Variants in CHERP observed in about 807,000 individuals in gnomAD.
The protein encoded by CHERP is calcium homeostasis endoplasmic reticulum protein.
Under a neutral mutation model 113.8 loss-of-function variants are expected in CHERP, and 8 were observed. That is an observed-to-expected ratio of 0.07 (90% CI 0.04 to 0.13). The LOEUF (loss-of-function observed/expected upper bound fraction) is 0.13. Ranked by LOEUF, CHERP falls within the 10% of genes least tolerant of loss-of-function variation. The pLI is 1.00. For synonymous variants in CHERP, 559 were observed against 524.5 expected, an observed-to-expected ratio of 1.07 and a Z score of -0.90; for missense variants, 884 against 1,298.2, an observed-to-expected ratio of 0.68 and a Z score of 4.90.
chr19:16,528,696 G>GT (rs2085673608), intron 8 of CHERP, among the ~76,000 whole-genome samples: 2 of 152,194 alleles, frequency 1.3e-5, no homozygotes, highest in Non-Finnish European at 1.5e-5. Flanking sequence ...GCTCACGCCT[G>GT]TAATCCCAGC....
Position 16,519,602 on chromosome 19 carries a change from C to CCCCATTCCCTCGCCTTA in CHERP, c.2557+2_2557+18dup, listed in dbSNP as rs2085588517. ...CGCGTGAGGACCCATCCCGCGCCCT[C>CCCCATTCCCTCGCCTTA]CCCATTCCCTCGCCTTACCCATCTT... is the stretch of plus-strand genomic sequence containing the variant. On this transcript the variant is annotated intron_variant, in intron 16 of 16. Coordinates refer to ENST00000546361, the MANE Select transcript of CHERP (RefSeq NM_006387.6). This position sits in a 1 kb window ranked among gnomAD's most constrained non-coding sequence, Gnocchi z 6.0. 7 of 1,608,488 alleles carry CCCCATTCCCTCGCCTTA rather than the reference C, an allele frequency of 4.4e-6. No individual in the cohort carries two copies. The highest frequency in any genetic ancestry group is 1.3e-5 in the African/African-American group (1 of 74,790).
At chr19:16,537,165 C>A (rs1410233030) in intron 2 of CHERP, among the ~76,000 whole-genome samples, 2 of 151,942 alleles carry the variant, frequency 1.3e-5, no homozygotes, top group African/African-American at 4.8e-5. Context: ...CTGCTTGCCA[C>A]TCCCCGCACC....
intron 9 of CHERP, chr19:16,526,122 C>G (rs552628802): frequency 1.1e-5 from 2 of 175,524 alleles, no homozygotes; most frequent in African/African-American, 4.7e-5. Context: ...CTCACTCCCC[C>G]TCTCCCCAAA....
At position 16,535,581 on chromosome 19, in the gene CHERP, C is replaced by T; in HGVS notation, c.255G>A (p.Leu85=). Residue 85 remains leucine, a synonymous_variant, in exon 3 of 17, where the codon CTG becomes CTA. Coordinates refer to ENST00000546361, the MANE Select transcript of CHERP (RefSeq NM_006387.6). This position sits in a 1 kb window ranked among gnomAD's most constrained non-coding sequence, Gnocchi z 4.3. ...ELEPAATMPP[L]PQPPLAPAAP... ...CGGCGGGGGCCAGCGGGGGCTGTGG[C>T]AGGGGTGGCATGGTGGCGGCTGGCT... is the stretch of plus-strand genomic sequence containing the variant. The T allele has an allele frequency of 6.4e-7, 1 of 1,557,672 alleles. No homozygotes were observed. The highest frequency in any genetic ancestry group is 8.7e-7 in the Non-Finnish European group (1 of 1,152,744).
rs907139064 is a variant in CHERP at position 16,532,194 on chromosome 19, C to G, written c.674+404G>C. ...TGATGGCTGAGCAAAGTCAGGTGAC[C>G]GCGTGTGTGTGCGTGCAAATCAGTG... On this transcript the variant is annotated intron_variant, in intron 5 of 16. Coordinates refer to ENST00000546361, the MANE Select transcript of CHERP (RefSeq NM_006387.6). The surrounding 1 kb of genome is among the most constrained non-coding windows in gnomAD (Gnocchi z 4.4). The G allele has an allele frequency of 5.6e-6, 1 of 177,866 alleles. No individual in the cohort carries two copies. The highest frequency in any genetic ancestry group is 2.4e-5 in the African/African-American group (1 of 42,074). The allele number at this position is 177,866 out of a possible 1,614,324, so 11.0% of individuals were successfully genotyped here.
Position 16,523,409 on chromosome 19 carries a change from C to T in CHERP, c.1742-119G>A. 3 of 1,188,526 alleles carry T rather than the reference C, an allele frequency of 2.5e-6. No homozygotes were observed. The highest frequency in any genetic ancestry group is 3.6e-6 in the Non-Finnish European group (3 of 838,508). The allele number at this position is 1,188,526 out of a possible 1,614,324, so 73.6% of individuals were successfully genotyped here. A position where few individuals can be genotyped will look rare whatever the true frequency, so the allele number is the denominator to read the frequency against. Reference sequence around the variant, plus strand: ...GACGAACCCCTCCTGGGAGCCTGTCCAGCATCTTCTCTCACTGCTTAAGAC... The same window carrying T: ...GACGAACCCCTCCTGGGAGCCTGTCTAGCATCTTCTCTCACTGCTTAAGAC... On this transcript the variant is annotated intron_variant, in intron 10 of 16. Coordinates refer to ENST00000546361, the MANE Select transcript of CHERP (RefSeq NM_006387.6). This position sits in a 1 kb window ranked among gnomAD's most constrained non-coding sequence, Gnocchi z 4.0.
rs758045225 is a variant in CHERP, at chr19:16,520,833, T to C, written c.2194A>G (p.Arg732Gly). 1.2e-6 allele frequency: 2 copies of C among 1,613,792 alleles called. No homozygotes were observed. The highest frequency in any genetic ancestry group is 4.5e-5 in the East Asian group (2 of 44,884). The change falls in exon 13 of 17, where the codon AGG (arginine) becomes GGG (glycine). Residue 732 changes from arginine to glycine, a missense_variant. Physicochemically the swap from Arg to Gly is moderately radical, Grantham distance 125. Coordinates refer to ENST00000546361, the MANE Select transcript of CHERP (RefSeq NM_006387.6). The surrounding 1 kb of genome is among the most constrained non-coding windows in gnomAD (Gnocchi z 4.0). ...AGACATCTGCGCTTTTACCTGTTCC[T>C]CTTCTCCTGGCCTTTCCTCCGCCGG... The part of the protein sequence containing the change: ...RARRRKGQEK[R>G]NSGPSRSRSR...
chr19:16,534,727 G>A (rs944893389), intron 3 of CHERP, among the ~76,000 whole-genome samples: 6 of 152,240 alleles, frequency 3.9e-5, no homozygotes, highest in South Asian at 2.1e-4. Flanking sequence ...GCCCATCTCA[G>A]CCTCCCAAAG....
In CHERP at chr19:16,530,888, G is replaced by A. The variant is rs2085697306; in HGVS notation, c.675-8C>T. The stretch of plus-strand genomic sequence containing the variant: ...CGGGCCTGCTTGCGCTGGCTGTGAG[G>A]GAGAGACTTTCCGCGCGTCAGGGCC... On this transcript the variant is annotated splice_region_variant and splice_polypyrimidine_tract_variant and intron_variant, in intron 5 of 16. Transcript: ENST00000546361. This position sits in a 1 kb window ranked among gnomAD's most constrained non-coding sequence, Gnocchi z 4.1. The A allele has an allele frequency of 1.9e-6, 3 of 1,612,356 alleles. No individual in the cohort carries two copies. The highest frequency in any genetic ancestry group is 2.5e-6 in the Non-Finnish European group (3 of 1,179,618).
At chr19:16,527,401 C>T (rs779007878) in intron 9 of CHERP, among the ~76,000 whole-genome samples, 8 of 152,206 alleles carry the variant, frequency 5.3e-5, no homozygotes, top group Non-Finnish European at 1.0e-4. Flanking sequence ...AGTCTCAGTC[C>T]AGAGCCAGTC....
In CHERP at chr19:16,533,839, G is replaced by C. The variant is rs77518459; in HGVS notation, c.385-691C>G. 2.3e-4 allele frequency among the ~76,000 whole-genome samples: 35 copies of C among 152,238 alleles called. No homozygotes were observed. In the East Asian group the frequency reaches 6.8e-3, roughly 29 times the overall value. ...AAAAAAGACAAATGAGGCATGGTGT[G>C]AACGACAGGCAATAGAAGAAGAGGA... On this transcript the variant is annotated intron_variant, in intron 3 of 16. Transcript: ENST00000546361.
In CHERP at chr19:16,523,424, C is replaced by T. The variant is rs1178661498; in HGVS notation, c.1742-134G>A. The T allele has an allele frequency of 1.1e-5, 11 of 1,008,642 alleles. No homozygotes were observed. The highest frequency in any genetic ancestry group is 1.7e-5 in the African/African-American group (1 of 59,204). 62.5% of individuals were successfully genotyped at this position (1,008,642 alleles called of 1,614,324 possible). ...GGAGCCTGTCCAGCATCTTCTCTCA[C>T]TGCTTAAGACCAGGCAGCAAGGCAC... On this transcript the variant is annotated intron_variant, in intron 10 of 16. Transcript: ENST00000546361. This position sits in a 1 kb window ranked among gnomAD's most constrained non-coding sequence, Gnocchi z 4.0.
At chr19:16,537,426 G>T (rs1305736584) in intron 2 of CHERP, among the ~76,000 whole-genome samples, 1 of 152,092 alleles carries the variant, frequency 6.6e-6, no homozygotes, top group Non-Finnish European at 1.5e-5. Flanking sequence ...TGTGCATGGT[G>T]TGATTCCTAA....
intron 8 of CHERP, among the ~76,000 whole-genome samples, chr19:16,529,021 T>C (rs1345135814): frequency 6.6e-6 from 1 of 152,230 alleles, no homozygotes. Context: ...TCCGTGTCTT[T>C]TTCAGAAGTG....
chr19:16,524,428 C>T (rs2085642387), intron 10 of CHERP, among the ~76,000 whole-genome samples: 1 of 151,866 alleles, frequency 6.6e-6, no homozygotes, highest in Non-Finnish European at 1.5e-5. Flanking sequence ...TGGTGGCGCA[C>T]ACCTGTAATC....
rs757436441 is a variant in CHERP at position 16,530,645 on chromosome 19, G to A, written c.816C>T (p.Tyr272=). 4 of 1,614,058 alleles carry A rather than the reference G, an allele frequency of 2.5e-6. No individual in the cohort carries two copies. Among genetic ancestry groups the A allele is most frequent in the Non-Finnish European group, 3.4e-6 (4 of 1,179,946 alleles). Residue 272 remains tyrosine, a synonymous_variant, in exon 7 of 17, where the codon TAC becomes TAT. Transcript: ENST00000546361. The surrounding 1 kb of genome is among the most constrained non-coding windows in gnomAD (Gnocchi z 4.1). ...RLLQLWEKNG[Y]FDDSIIQQLQ... ...GCTGCTGAATGATGGAGTCATCGAA[G>A]TAGCCGTTTTTCTCCCAGAGCTGCA...
At position 16,520,420 on chromosome 19, in the gene CHERP, C is replaced by G; in HGVS notation, c.2289G>C (p.Ser763=). 5 of 1,614,072 alleles carry G rather than the reference C, an allele frequency of 3.1e-6. No individual in the cohort carries two copies. The highest frequency in any genetic ancestry group is 4.2e-6 in the Non-Finnish European group (5 of 1,180,018). Residue 763 remains serine, a synonymous_variant, in exon 14 of 17, where the codon TCG becomes TCC. Coordinates refer to ENST00000546361, the MANE Select transcript of CHERP (RefSeq NM_006387.6). This position sits in a 1 kb window ranked among gnomAD's most constrained non-coding sequence, Gnocchi z 4.0. Reference sequence around the variant, plus strand: ...AGGAGCGCGACCTTGACCTTGAGTACGAGCCTGAAGACTTGGAGGATCTTG... The same window carrying G: ...AGGAGCGCGACCTTGACCTTGAGTAGGAGCCTGAAGACTTGGAGGATCTTG... The part of the protein sequence containing the change: ...SNSRSSKSSG[S]YSRSRSRSCS...
At chr19:16,527,096 GCA>G (rs1461545355) in intron 9 of CHERP, among the ~76,000 whole-genome samples, 13 of 152,238 alleles carry the variant, frequency 8.5e-5, no homozygotes, top group Non-Finnish European at 1.6e-4. Flanking sequence ...ACTGCAGGAT[GCA>G]CTGCTGGCCT....
At chr19:16,521,680 C>T (rs527500961) in intron 11 of CHERP, 26 bp from the exon 12 acceptor site, 1 of 1,546,542 alleles carries the variant, frequency 6.5e-7, no homozygotes, top group Admixed American at 1.8e-5. Context: ...CCAGCTGTCA[C>T]CATGCCTGGG....
Sources: gnomAD v4.1 joint callset for allele counts (sites outside exome capture counted in the v4.1 genomes callset) on GRCh38, gnomAD v4.1.1 for gene constraint, Gnocchi (gnomAD v3.1) non-coding constraint, MANE v1.5 for transcripts, NCBI Gene and HGNC (gene_info 2026-07-23, HGNC 2026-07-21) for gene names.